The following SETDB1 variants were observed in gnomAD, a reference collection of about 807,000 sequenced individuals.
SETDB1 encodes the protein SET domain bifurcated histone lysine methyltransferase 1, also known as histone-lysine N-methyltransferase SETDB1.
A neutral mutation model predicts 137.4 loss-of-function variants in SETDB1; 31 were observed. The ratio of observed to expected loss-of-function variants is 0.23; its 90% confidence interval spans 0.17 to 0.30. SETDB1 has a LOEUF of 0.30. SETDB1 is among the 10% of genes least tolerant of loss of function. The pLI, the probability that SETDB1 is intolerant of heterozygous loss-of-function variation, is 1.00. For synonymous variants in SETDB1, 548 were observed against 579.9 expected (o/e 0.95, Z 0.79); for missense variants, 1,113 against 1,631.5 (o/e 0.68, Z 5.47).
rs148236852 is a variant in SETDB1, at chr1:150,954,711, C to T, written c.2333+3230C>T. Among the ~76,000 whole-genome samples the T allele has an allele frequency of 1.9e-4, 29 of 152,326 alleles. 1 individual carries two copies. The highest frequency in any genetic ancestry group is 7.0e-4 in the African/African-American group (29 of 41,578). On this transcript the variant is annotated intron_variant, in intron 14 of 21. Transcript: ENST00000692827. Reference sequence around the variant, plus strand: ...CTAGATAGCAATTGGAGAATCTGTTCAGAATTCTAAGGGAAAATTATTTCC... The same window carrying T: ...CTAGATAGCAATTGGAGAATCTGTTTAGAATTCTAAGGGAAAATTATTTCC...
At position 150,927,843 on chromosome 1, in the gene SETDB1, C is replaced by T. The variant is rs2102624267; in HGVS notation, c.129C>T (p.Phe43=). The part of the protein sequence containing the change: ...LGISMEELRH[F]IDEELEKMDC... ...TCTCTATGGAGGAACTTCGGCATTT[C>T]ATCGATGAGGAACTGGAGAAGATGG... The change falls in exon 2 of 22, where the codon TTC becomes TTT. Residue 43 remains phenylalanine, a synonymous_variant. Transcript: ENST00000692827. 1.9e-6 allele frequency: 3 copies of T among 1,614,172 alleles called. No homozygotes were observed. The highest frequency in any genetic ancestry group is 2.5e-6 in the Non-Finnish European group (3 of 1,180,038).
intron 16 of SETDB1, chr1:150,961,812 C>T (rs1670832403): frequency 2.9e-6 from 1 of 346,226 alleles, no homozygotes; most frequent in Non-Finnish European, 5.3e-6. Context: ...AGTAGAGAAA[C>T]AAGAATTGAT....
chr1:150,933,347 A>G (rs937420462), intron 3 of SETDB1, among the ~76,000 whole-genome samples: 1 of 144,886 alleles, frequency 6.9e-6, no homozygotes, highest in African/African-American at 2.5e-5. Context: ...GGCCTTAGCT[A>G]CCATGCCTGG....
intron 2 of SETDB1, among the ~76,000 whole-genome samples, chr1:150,929,072 A>T (rs1669638872): frequency 6.6e-6 from 1 of 152,178 alleles, no homozygotes; most frequent in Non-Finnish European, 1.5e-5. Context: ...ATGTGTCTTT[A>T]TAGCAGCATG....
rs587593728 is a variant in SETDB1, at chr1:150,953,948, G to A, written c.2333+2467G>A. ...CAGCTCACTGCAAGCTCCGCCTTCC[G>A]GGTTCACGCCATTCTCCTGCCTCAG... On this transcript the variant is annotated intron_variant, in intron 14 of 21. Coordinates refer to ENST00000692827, the MANE Select transcript of SETDB1 (RefSeq NM_001366418.1). Among the ~76,000 whole-genome samples, 160 of 151,648 alleles carry A rather than the reference G, an allele frequency of 1.1e-3. No homozygotes were observed. In the East Asian group the frequency reaches 0.013, roughly 13 times the overall value.
chr1:150,938,873 G>A (rs1179306505), intron 3 of SETDB1, among the ~76,000 whole-genome samples: 2 of 145,210 alleles, frequency 1.4e-5, no homozygotes, highest in African/African-American at 2.6e-5. Flanking sequence ...GTCACCTGTA[G>A]TCCCAGCCGC....
At chr1:150,941,528 T>G in intron 5 of SETDB1, 100 bp downstream of exon 5, 1 of 709,696 alleles carries the variant, frequency 1.4e-6, no homozygotes. Context: ...CATGCCAGAC[T>G]CAGTATCCTT....
rs1317146920 is a variant in SETDB1 at position 150,961,044 on chromosome 1, T to C, written c.2985T>C (p.Gly995=). 4.3e-6 allele frequency: 7 copies of C among 1,614,028 alleles called. No homozygotes were observed. The Admixed American group carries it at 1.2e-4, about 27-fold the overall frequency. Residue 995 remains glycine (G), a synonymous_variant, in exon 16 of 22, where the codon GGT becomes GGC. Coordinates refer to ENST00000692827, the MANE Select transcript of SETDB1 (RefSeq NM_001366418.1). ...WLSCNSVSEG[G]FADSDSHSSF... Reference sequence around the variant, plus strand: ...GCTGCAATAGTGTCAGTGAAGGTGGTTTTGCTGACTCTGATAGCCATTCAT... The same window carrying C: ...GCTGCAATAGTGTCAGTGAAGGTGGCTTTGCTGACTCTGATAGCCATTCAT...
chr1:150,962,076 G>T, intron 16 of SETDB1, 54 bp from the exon 17 acceptor site: 1 of 1,610,238 alleles, frequency 6.2e-7, no homozygotes, highest in South Asian at 1.1e-5. Context: ...CTGATTATTG[G>T]ACTTGTTACC....
At position 150,960,918 on chromosome 1, in the gene SETDB1, T is replaced by C. The variant is rs147862934; in HGVS notation, c.2859T>C (p.Leu953=). 44 of 1,609,572 alleles carry C rather than the reference T, an allele frequency of 2.7e-5. No homozygotes were observed. Among genetic ancestry groups the C allele is most frequent in the Non-Finnish European group, 3.5e-5 (41 of 1,176,630 alleles). Residue 953 remains leucine, a synonymous_variant, in exon 16 of 22, where the codon CTT becomes CTC. Transcript: ENST00000692827. ...TTSKDSHPPD[L]GPPHIPVPPS... ...CCAAGGACTCCCACCCCCCAGATCT[T>C]GGACCCCCACATATTCCTGTTCCTC...
At position 150,963,016 on chromosome 1, in the gene SETDB1, A is replaced by G. The variant is rs1670870944; in HGVS notation, c.3337A>G (p.Ser1113Gly). Residue 1113 changes from serine to glycine, a missense_variant, in exon 19 of 22, where the codon AGT becomes GGT. By Grantham distance (56) the Ser-to-Gly change is moderately conservative (BLOSUM62 0). Around this residue, in one of 11 missense-constraint regions of SETDB1, gnomAD observed 373 missense variants for 412.7 expected, o/e 0.90. Transcript: ENST00000692827. ...CAGCAGCACAGAAAGTGAGGGGGAA[A>G]GTGGGACCAGCCGAAAGCCCACTGC... Reference protein sequence around the residue: ...LSSSTESEGESGTSRKPTAGQ... With the variant: ...LSSSTESEGEGGTSRKPTAGQ... 6.2e-7 allele frequency: 1 copy of G among 1,614,032 alleles called. No individual in the cohort carries two copies. The highest frequency in any genetic ancestry group is 1.3e-5 in the African/African-American group (1 of 74,912).
chr1:150,962,282 C>A (rs1426383206), intron 17 of SETDB1, 124 bp downstream of exon 17: 9 of 870,260 alleles, frequency 1.0e-5, no homozygotes, highest in South Asian at 9.5e-5. Flanking sequence ...GATTCTCCCA[C>A]CTCAGCCTCC....
intron 3 of SETDB1, among the ~76,000 whole-genome samples, chr1:150,939,218 C>T (rs1308657826): frequency 6.9e-6 from 1 of 144,704 alleles, no homozygotes; most frequent in Non-Finnish European, 1.5e-5. Context: ...TCCCAAAGTG[C>T]TAGAAGTACA....
At chr1:150,927,563 A>T in intron 1 of SETDB1, 141 bp from the exon 2 acceptor site, 1 of 704,284 alleles carries the variant, frequency 1.4e-6, no homozygotes, top group South Asian at 1.9e-5. Context: ...GATTCTGGAG[A>T]ATAGGGAGGG....
chr1:150,955,186 T>C (rs773566766), intron 14 of SETDB1, among the ~76,000 whole-genome samples: 1 of 152,256 alleles, frequency 6.6e-6, no homozygotes, highest in Non-Finnish European at 1.5e-5. Flanking sequence ...AAATTTTGAA[T>C]CTAACAATAG....
chr1:150,958,559 T>TC (rs143123253), intron 14 of SETDB1, among the ~76,000 whole-genome samples: 10,900 of 152,070 alleles, frequency 0.072, 1,330 homozygotes, highest in African/African-American at 0.25. Flanking sequence ...ACGATCTTTT[T>TC]CATTGTTATG....
chr1:150,932,005 C>G (rs886426025), intron 3 of SETDB1, among the ~76,000 whole-genome samples: 1 of 151,662 alleles, frequency 6.6e-6, no homozygotes, highest in Admixed American at 6.6e-5. Flanking sequence ...GATGTTAAAC[C>G]AACCTTGCAT....
rs183468265 is a variant in SETDB1 at position 150,946,797 on chromosome 1, G to A, written c.1141-89G>A. On this transcript the variant is annotated intron_variant, in intron 9 of 21. Coordinates refer to ENST00000692827, the MANE Select transcript of SETDB1 (RefSeq NM_001366418.1). Reference sequence around the variant, plus strand: ...GGCTCATCAGGGAGGATTCCCAGAGGTGACACATGGTATATATCCTCTACA... The same window carrying A: ...GGCTCATCAGGGAGGATTCCCAGAGATGACACATGGTATATATCCTCTACA... 1.7e-5 allele frequency: 25 copies of A among 1,477,906 alleles called. No individual in the cohort carries two copies. The Middle Eastern group carries it at 5.7e-4, about 34-fold the overall frequency. 91.5% of individuals were successfully genotyped at this position (1,477,906 alleles called of 1,614,324 possible). A position where few individuals can be genotyped will look rare whatever the true frequency, so the allele number is the denominator to read the frequency against.
chr1:150,957,005 T>G lies in SETDB1; in HGVS notation c.2334-2173T>G, dbSNP rs12097002. Among the ~76,000 whole-genome samples, 80 of 151,978 alleles carry G rather than the reference T, an allele frequency of 5.3e-4. 1 individual carries two copies. Among genetic ancestry groups the G allele is most frequent in the African/African-American group, 1.9e-3 (78 of 41,460 alleles). ...TGTGGCATGCAGCTGTGGTCCCAGCTACTTAGGAGACTGAGGCAGGAGGAT... is the reference window on the plus strand; with the variant it reads ...TGTGGCATGCAGCTGTGGTCCCAGCGACTTAGGAGACTGAGGCAGGAGGAT... On this transcript the variant is annotated intron_variant, in intron 14 of 21. Transcript: ENST00000692827.
Sources: allele counts gnomAD v4.1 joint callset (sites outside exome capture counted in the v4.1 genomes callset), GRCh38; gene constraint gnomAD v4.1.1; regional missense constraint gnomAD v4.1.1; transcripts MANE v1.5; gene names NCBI Gene and HGNC (gene_info 2026-07-23, HGNC 2026-07-21).